The following LIN9 variants were observed in gnomAD, a reference collection of about 807,000 sequenced individuals.
The protein encoded by LIN9 is protein lin-9 homolog.
A neutral mutation model predicts 78.0 loss-of-function variants in LIN9; 18 were observed. The ratio of observed to expected loss-of-function variants is 0.23; its 90% CI spans 0.16 to 0.34. The LOEUF is 0.34. Ranked by LOEUF, LIN9 falls within the 10% of genes least tolerant of loss-of-function variation. The probability of loss-of-function intolerance (pLI) is 1.00; values close to 1 mark genes in which losing one functional copy is unlikely to be tolerated. For synonymous variants in LIN9, 192 were observed against 215.2 expected (o/e 0.89, Z 0.94); for missense variants, 451 against 644.1 (o/e 0.70, Z 3.25).
At chr1:226,260,431 G>A (rs553790982) in intron 10 of LIN9, among the ~76,000 whole-genome samples, 5 of 152,150 alleles carry the variant, frequency 3.3e-5, no homozygotes, top group Non-Finnish European at 5.9e-5. Context: ...CTAGCTACTG[G>A]GAGGCTGAAG....
chr1:226,299,796 G>T (rs1422631173), intron 2 of LIN9, among the ~76,000 whole-genome samples: 2 of 152,092 alleles, frequency 1.3e-5, no homozygotes, highest in African/African-American at 4.8e-5. Context: ...ATGTTAAAAA[G>T]GTTAGTCTAA....
chr1:226,243,126 T>C (rs1658224799), intron 11 of LIN9, among the ~76,000 whole-genome samples: 1 of 152,228 alleles, frequency 6.6e-6, no homozygotes, highest in Admixed American at 6.5e-5. Flanking sequence ...GGGTCAACTG[T>C]ATTTGACTAC....
chr1:226,306,194 G>A (rs1662905277), intron 1 of LIN9, among the ~76,000 whole-genome samples: 1 of 151,880 alleles, frequency 6.6e-6, no homozygotes, highest in Non-Finnish European at 1.5e-5. Context: ...GTGTGGTGGC[G>A]GGCGCCTGTA....
At chr1:226,266,165 C>T (rs769801558) in intron 9 of LIN9, 48 bp downstream of exon 9, 2 of 1,338,764 alleles carry the variant, frequency 1.5e-6, no homozygotes, top group Admixed American at 2.3e-5. Flanking sequence ...ACATAGTTCA[C>T]CTTCATAAAA....
At chr1:226,302,338 T>C (rs1662595045) in intron 1 of LIN9, among the ~76,000 whole-genome samples, 1 of 152,054 alleles carries the variant, frequency 6.6e-6, no homozygotes, top group Non-Finnish European at 1.5e-5. Flanking sequence ...GGTCAGGAGA[T>C]CAAGACCATC....
chr1:226,245,131 A>G (rs1275313309), intron 11 of LIN9, among the ~76,000 whole-genome samples: 1 of 152,178 alleles, frequency 6.6e-6, no homozygotes, highest in Non-Finnish European at 1.5e-5. Context: ...CTGACAAAAG[A>G]GAGATTAATA....
chr1:226,300,685 G>A (rs960500171), intron 2 of LIN9, among the ~76,000 whole-genome samples: 7 of 152,074 alleles, frequency 4.6e-5, no homozygotes, highest in Admixed American at 6.6e-5. Flanking sequence ...GTGAAATCCC[G>A]TCTCTACTGA....
Position 226,297,678 on chromosome 1 carries a change from G to A in LIN9, c.159+41C>T, listed in dbSNP as rs1307350510. ...ACATGACAATAATACAGACAACTTA[G>A]CTAGAATTATTCTAAAATGTAAGAA... is the stretch of plus-strand genomic sequence containing the variant. On this transcript the variant is annotated intron_variant, in intron 3 of 14. Coordinates refer to ENST00000681046, the MANE Select transcript of LIN9 (RefSeq NM_001366245.2). 3.0e-6 allele frequency: 4 copies of A among 1,348,888 alleles called. No homozygotes were observed. The Admixed American group carries it at 9.5e-5, about 32-fold the overall frequency. 83.6% of individuals were successfully genotyped at this position (1,348,888 alleles called of 1,614,324 possible). A position where few individuals can be genotyped will look rare whatever the true frequency, so the allele number is the denominator to read the frequency against.
At chr1:226,274,071 G>A (rs1660479879) in intron 7 of LIN9, among the ~76,000 whole-genome samples, 2 of 152,060 alleles carry the variant, frequency 1.3e-5, no homozygotes, top group South Asian at 4.2e-4. Flanking sequence ...GGCCTCAAGT[G>A]ATCCACTTGC....
chr1:226,285,209 G>T (rs1661319765), intron 6 of LIN9, among the ~76,000 whole-genome samples: 1 of 152,096 alleles, frequency 6.6e-6, no homozygotes, highest in South Asian at 2.1e-4. Context: ...ACAATAATTA[G>T]AAACAGTGTA....
In LIN9 at chr1:226,275,562, G is replaced by A. The variant is rs539617585; in HGVS notation, c.682+2213C>T. On this transcript the variant is annotated intron_variant, in intron 7 of 14. Transcript: ENST00000681046. ...TACAAAATATGTCGGGTGTGGTGGC[G>A]TGCACCTGCAGTCCCAGCTACTCGG... Among the ~76,000 whole-genome samples the A allele has an allele frequency of 1.8e-4, 28 of 151,840 alleles. 1 individual carries two copies. The South Asian group carries it at 5.2e-3, about 28-fold the overall frequency.
At chr1:226,299,402 G>T (rs1662369493) in intron 2 of LIN9, among the ~76,000 whole-genome samples, 1 of 151,710 alleles carries the variant, frequency 6.6e-6, no homozygotes, top group South Asian at 2.1e-4. Flanking sequence ...TACTCAGGAG[G>T]CTGAGGCACA....
Position 226,234,079 on chromosome 1 carries a change from T to C in LIN9, c.1246-556A>G, listed in dbSNP as rs746750415. Among the ~76,000 whole-genome samples, 23 of 152,348 alleles carry C rather than the reference T, an allele frequency of 1.5e-4. 1 individual carries two copies. Among genetic ancestry groups the C allele is most frequent in the South Asian group, 2.1e-4 (1 of 4,828 alleles). On this transcript the variant is annotated intron_variant, in intron 12 of 14. Transcript: ENST00000681046. ...CATCTTTATTAGAAGGCACGTGATGTTGACCTGTCCCATTACTGGTGATGT... is the reference window on the plus strand; with the variant it reads ...CATCTTTATTAGAAGGCACGTGATGCTGACCTGTCCCATTACTGGTGATGT...
intron 2 of LIN9, among the ~76,000 whole-genome samples, chr1:226,298,480 T>A (rs1662298103): frequency 6.6e-6 from 1 of 152,196 alleles, no homozygotes. Context: ...AGTGTTGAGA[T>A]TACAGGCATG....
intron 1 of LIN9, among the ~76,000 whole-genome samples, chr1:226,301,905 A>G (rs1483482108): frequency 1.3e-5 from 2 of 152,084 alleles, no homozygotes; most frequent in African/African-American, 2.4e-5. Context: ...CCTGTCTCTA[A>G]AAAAATGTTT....
chr1:226,273,639 T>C (rs999196294), intron 7 of LIN9, among the ~76,000 whole-genome samples: 1 of 152,098 alleles, frequency 6.6e-6, no homozygotes, highest in African/African-American at 2.4e-5. Flanking sequence ...AAAAAGGCAG[T>C]TCCCAAACCA....
intron 11 of LIN9, among the ~76,000 whole-genome samples, chr1:226,240,030 C>T (rs1258160636): frequency 6.6e-6 from 1 of 151,994 alleles, no homozygotes; most frequent in African/African-American, 2.4e-5. Flanking sequence ...GGAGGAACTA[C>T]TTATATAGGT....
chr1:226,278,658 T>C lies in LIN9; in HGVS notation c.525-726A>G, dbSNP rs116936924. ...GGCCAACATGGCAAAATCCCGTCTG[T>C]ACTAAAAATGCAAAAATTAGACAGG... On this transcript the variant is annotated intron_variant, in intron 6 of 14. Coordinates refer to ENST00000681046, the MANE Select transcript of LIN9 (RefSeq NM_001366245.2). 4.1e-3 allele frequency among the ~76,000 whole-genome samples: 614 copies of C among 148,258 alleles called. 27 individuals carry two copies. In the South Asian group the frequency reaches 0.077, roughly 18 times the overall value.
chr1:226,248,620 T>C (rs1275554488), intron 11 of LIN9, among the ~76,000 whole-genome samples: 4 of 152,212 alleles, frequency 2.6e-5, no homozygotes, highest in African/African-American at 7.2e-5. Context: ...GTTGTTTAAA[T>C]TATGGTACAA....
Sources: allele counts gnomAD v4.1 joint callset (sites outside exome capture counted in the v4.1 genomes callset), GRCh38; gene constraint gnomAD v4.1.1; transcripts MANE v1.5; gene names NCBI Gene and HGNC (gene_info 2026-07-23, HGNC 2026-07-21).